Variants in ZAN observed in about 807,000 individuals in gnomAD.
ZAN encodes the protein zonadhesin (gene/pseudogene).
ZAN carries 260 observed loss-of-function variants against 286.2 expected under a neutral mutation model. That is an observed-to-expected ratio of 0.91 (90% CI 0.82 to 1.01). The LOEUF is 1.01. Among genes scored for constraint, ZAN ranks in the 50% least tolerant of loss-of-function variants. The pLI, the probability that ZAN is intolerant of heterozygous loss-of-function variation, is 0.00. For missense variants in ZAN, 3,410 were observed against 3,639.2 expected (o/e 0.94, Z 1.62); for synonymous variants, 1,368 against 1,417.5 (o/e 0.97, Z 0.79).
chr7:100,776,643 TCCCTCCCCTCCCCTC>T, intron 34 of ZAN, 79 bp downstream of exon 34: 2 of 749,332 alleles, frequency 2.7e-6, no homozygotes, highest in Admixed American at 4.2e-5. Context: ...TCCCTTCCCT[TCCCTCCCCTCCCCTC>T]CCCTCCCCTT....
Position 100,748,194 on chromosome 7 carries a change from A to G in ZAN, c.1081A>G (p.Thr361Ala), listed in dbSNP as rs1346201464. 1.2e-6 allele frequency: 2 copies of G among 1,613,844 alleles called. No homozygotes were observed. Among genetic ancestry groups the G allele is most frequent in the Admixed American group, 1.7e-5 (1 of 59,980 alleles). The change falls in exon 10 of 48, where the codon ACC becomes GCC. Residue 361 changes from threonine to alanine, a missense_variant. Transcript: ENST00000613979. ...AGAGCCAGCTGTGGCAGTTGATGCAACCAGCATTGCTCCTTGTGGGGGTGA... is the reference window on the plus strand; with the variant it reads ...AGAGCCAGCTGTGGCAGTTGATGCAGCCAGCATTGCTCCTTGTGGGGGTGA... ...TPEPAVAVDA[T>A]SIAPCGEGFP...
At chr7:100,794,378 T>C (rs1812212362) in intron 44 of ZAN, 120 bp downstream of exon 44, 10 of 1,467,464 alleles carry the variant, frequency 6.8e-6, no homozygotes, top group Non-Finnish European at 9.1e-6. Flanking sequence ...TGTCTGTCCC[T>C]GCCTTTGTAG....
chr7:100,756,762 GTGTT>G (rs980936285), intron 15 of ZAN, among the ~76,000 whole-genome samples: 7 of 151,200 alleles, frequency 4.6e-5, no homozygotes, highest in South Asian at 2.1e-4. Flanking sequence ...CATTCTAGCC[GTGTT>G]TGTTTGTCTG....
chr7:100,789,935 A>G (rs1466423688), intron 39 of ZAN, among the ~76,000 whole-genome samples: 5 of 151,620 alleles, frequency 3.3e-5, no homozygotes, highest in African/African-American at 1.2e-4. Flanking sequence ...ACAAGAGCAA[A>G]ACTCCATCTC....
rs200902017 is a variant in ZAN, at chr7:100,748,356, G to A, written c.1135G>A (p.Ala379Thr). Residue 379 changes from alanine to threonine, a missense_variant, in exon 11 of 48, where the codon GCC becomes ACC. Ala to Thr is a moderately conservative substitution (Grantham distance 58, BLOSUM62 0). Coordinates refer to ENST00000613979, the MANE Select transcript of ZAN (RefSeq NM_003386.3). The stretch of plus-strand genomic sequence containing the variant: ...TCCTCAGTGTGACTTTGAAGACAAC[G>A]CCCATCCCTTCTGTGACTGGGTCCA... ...GFPQCDFEDN[A>T]HPFCDWVQTS... 2.2e-4 allele frequency: 358 copies of A among 1,613,964 alleles called. No homozygotes were observed. The African/African-American group carries it at 3.0e-3, about 13-fold the overall frequency.
At chr7:100,781,669 T>C (rs1001148731) in intron 35 of ZAN, among the ~76,000 whole-genome samples, 102 of 151,654 alleles carry the variant, frequency 6.7e-4, no homozygotes, top group Non-Finnish European at 1.0e-3. Context: ...TTTTTTTTTT[T>C]TGAGTCTCAC....
At chr7:100,789,078 G>T in intron 38 of ZAN, 140 bp from the exon 39 acceptor site, 1 of 1,255,810 alleles carries the variant, frequency 8.0e-7, no homozygotes. Flanking sequence ...CACGTGAATA[G>T]CAAAGCCCAT....
intron 19 of ZAN, 25 bp from the exon 20 acceptor site, chr7:100,762,190 G>A (rs1265368258): frequency 2.5e-6 from 4 of 1,610,662 alleles, no homozygotes; most frequent in East Asian, 2.2e-5. Flanking sequence ...CTCCATTAAC[G>A]CCAGCTCCTC....
rs972112857 is a variant in ZAN, at chr7:100,737,711, A to C, written c.613+362A>C. On this transcript the variant is annotated intron_variant, in intron 6 of 47. Coordinates refer to ENST00000613979, the MANE Select transcript of ZAN (RefSeq NM_003386.3). ...ATGGAGTGAGACTCCGTCTCAAAAA[A>C]AAAAAAAGAAGAATGAGAAAGGAGA... is the stretch of plus-strand genomic sequence containing the variant. Among the ~76,000 whole-genome samples the C allele has an allele frequency of 5.8e-5, 8 of 138,830 alleles. 1 individual carries two copies. The highest frequency in any genetic ancestry group is 6.4e-5 in the Non-Finnish European group (4 of 62,184). 91.1% of individuals were successfully genotyped at this position (138,830 alleles called of 152,430 possible). A position where few individuals can be genotyped will look rare whatever the true frequency, so the allele number is the denominator to read the frequency against.
chr7:100,742,162 G>A (rs1363006140), intron 7 of ZAN, among the ~76,000 whole-genome samples: 7 of 83,268 alleles, frequency 8.4e-5, no homozygotes, highest in Admixed American at 6.5e-4. Flanking sequence ...GGGCGGCCGG[G>A]CAGAGACGCT....
rs757113676 is a variant in ZAN, at chr7:100,759,881, TCTGA to T, written c.3696+40_3696+43del. 1.9e-6 allele frequency: 3 copies of T among 1,599,270 alleles called. No homozygotes were observed. In the Admixed American group the frequency reaches 5.1e-5, roughly 27 times the overall value. On this transcript the variant is annotated intron_variant, in intron 18 of 47. Coordinates refer to ENST00000613979, the MANE Select transcript of ZAN (RefSeq NM_003386.3). Reference sequence around the variant, plus strand: ...TTCCACCCCCACCATCCTTGCAGGGTCTGACTGTGTGTCCTGGCCAACCCTTCCA... The same window carrying T: ...TTCCACCCCCACCATCCTTGCAGGGTCTGTGTGTCCTGGCCAACCCTTCCA...
intron 7 of ZAN, among the ~76,000 whole-genome samples, chr7:100,742,685 C>A: frequency 1.2e-5 from 1 of 81,300 alleles, no homozygotes; most frequent in Non-Finnish European, 2.6e-5. Context: ...GCCAACACAG[C>A]GAAACCCCGT....
intron 7 of ZAN, among the ~76,000 whole-genome samples, chr7:100,743,877 AAAAT>A (rs1166682989): frequency 2.0e-5 from 3 of 151,284 alleles, no homozygotes; most frequent in Non-Finnish European, 2.9e-5. Context: ...ATTGTGTCTC[AAAAT>A]AAATAAATAA....
chr7:100,743,172 C>G (rs947609407), intron 7 of ZAN, among the ~76,000 whole-genome samples: 1 of 151,468 alleles, frequency 6.6e-6, no homozygotes, highest in Non-Finnish European at 1.5e-5. Flanking sequence ...TACAGGTGTG[C>G]GTCACCATGC....
At chr7:100,735,897 C>A in intron 3 of ZAN, 125 bp downstream of exon 3, 2 of 760,802 alleles carry the variant, frequency 2.6e-6, no homozygotes, top group Non-Finnish European at 4.2e-6. Context: ...CGGGCATCAG[C>A]CAGGACTACA....
At position 100,791,081 on chromosome 7, in the gene ZAN, G is replaced by A; in HGVS notation, c.7497G>A (p.Val2499=). Residue 2499 remains valine, a synonymous_variant, in exon 40 of 48, where the codon GTG becomes GTA. Coordinates refer to ENST00000613979, the MANE Select transcript of ZAN (RefSeq NM_003386.3). Reference sequence around the variant, plus strand: ...ACACCTTTGGCAACAGCTGGGAGGTGAAGACCGAGGACGCACTCCTGCGCT... The same window carrying A: ...ACACCTTTGGCAACAGCTGGGAGGTAAAGACCGAGGACGCACTCCTGCGCT... The part of the protein sequence containing the change: ...NLNTFGNSWE[V]KTEDALLRFP... 6.2e-7 allele frequency: 1 copy of A among 1,612,890 alleles called. No homozygotes were observed. Among genetic ancestry groups the A allele is most frequent in the South Asian group, 1.1e-5 (1 of 90,804 alleles).
intron 5 of ZAN, 54 bp from the exon 6 acceptor site, chr7:100,737,208 C>A (rs1015388678): frequency 1.4e-6 from 2 of 1,417,524 alleles, no homozygotes; most frequent in African/African-American, 2.9e-5. Context: ...AACTAGGAGC[C>A]AGGAGGCCTG....
At chr7:100,743,993 AGGTGTGAGCTGCCACG>A (rs1435442194) in intron 7 of ZAN, among the ~76,000 whole-genome samples, 2 of 150,894 alleles carry the variant, frequency 1.3e-5, no homozygotes, top group African/African-American at 4.9e-5. Context: ...CTTGAAGTAC[AGGTGTGAGCTGCCACG>A]CCCAGCCTAT....
rs867914281 is a variant in ZAN at position 100,757,772 on chromosome 7, C to A, written c.3310-430C>A. Among the ~76,000 whole-genome samples the A allele has an allele frequency of 7.2e-3, 838 of 116,098 alleles. 4 individuals are homozygous for A. Among genetic ancestry groups the A allele is most frequent in the African/African-American group, 0.02 (592 of 29,192 alleles). The allele number at this position is 116,098 out of a possible 152,430, so 76.2% of individuals were successfully genotyped here. A position where few individuals can be genotyped will look rare whatever the true frequency, so the allele number is the denominator to read the frequency against. Reference sequence around the variant, plus strand: ...TCCGTCTCAAAAAAAAAAAAAAAAACAAAAAAACAGACAGACATAAGGCTG... The same window carrying A: ...TCCGTCTCAAAAAAAAAAAAAAAAAAAAAAAAACAGACAGACATAAGGCTG... On this transcript the variant is annotated intron_variant, in intron 15 of 47. Transcript: ENST00000613979.
Sources: gnomAD v4.1 joint callset for allele counts (sites outside exome capture counted in the v4.1 genomes callset) on GRCh38, gnomAD v4.1.1 for gene constraint, MANE v1.5 for transcripts, NCBI Gene and HGNC (gene_info 2026-07-23, HGNC 2026-07-21) for gene names.